The following GULP1 variants were observed in gnomAD, a reference collection of about 807,000 sequenced individuals.
The protein encoded by GULP1 is GULP PTB domain containing engulfment adaptor 1, also known as PTB domain-containing engulfment adapter protein 1.
A neutral mutation model predicts 40.9 loss-of-function variants in GULP1; 19 were observed. That is an observed-to-expected ratio of 0.46 (90% confidence interval 0.32 to 0.68). GULP1 has a LOEUF of 0.68. GULP1 is among the 30% of genes least tolerant of loss of function. GULP1 has a pLI of 0.03. For missense variants in GULP1, 312 were observed against 362.2 expected (o/e 0.86, Z 1.12); for synonymous variants, 119 against 117.6 (o/e 1.01, Z -0.08).
chr2:188,581,828 T>C (rs1446549364), intron 9 of GULP1, among the ~76,000 whole-genome samples: 1 of 152,210 alleles, frequency 6.6e-6, no homozygotes, highest in African/African-American at 2.4e-5. Flanking sequence ...ATGTATTTAT[T>C]GTAATAAGGA....
chr2:188,526,031 C>CTAT (rs1436791673), intron 5 of GULP1, among the ~76,000 whole-genome samples: 1 of 152,116 alleles, frequency 6.6e-6, no homozygotes, highest in African/African-American at 2.4e-5. Context: ...GCCTAACACT[C>CTAT]TATATTCCAT....
At chr2:188,560,205 G>A (rs1695881879) in intron 7 of GULP1, among the ~76,000 whole-genome samples, 1 of 152,024 alleles carries the variant, frequency 6.6e-6, no homozygotes, top group African/African-American at 2.4e-5. Context: ...GCAGCCAGAT[G>A]AAACCTTGAA....
At chr2:188,483,327 C>T (rs947080037) in intron 3 of GULP1, 104 bp from the exon 4 acceptor site, 1 of 498,992 alleles carries the variant, frequency 2.0e-6, no homozygotes, top group South Asian at 4.2e-5. Flanking sequence ...CAAAGAATCT[C>T]AGAATTAGAA....
intron 8 of GULP1, chr2:188,569,755 T>C: frequency 2.8e-6 from 1 of 357,382 alleles, no homozygotes; most frequent in Non-Finnish European, 5.1e-6. Context: ...ATTCCAAGAT[T>C]ATGGGTATAG....
At chr2:188,332,477 C>T (rs2041735399) in intron 1 of GULP1, among the ~76,000 whole-genome samples, 1 of 152,128 alleles carries the variant, frequency 6.6e-6, no homozygotes, top group Admixed American at 6.5e-5. Flanking sequence ...CATGAGCCAT[C>T]GTGCCAAATC....
chr2:188,355,845 A>T (rs1274996216), intron 1 of GULP1, among the ~76,000 whole-genome samples: 1 of 152,138 alleles, frequency 6.6e-6, no homozygotes, highest in African/African-American at 2.4e-5. Flanking sequence ...ATGATTATCA[A>T]GTGGGAATTA....
At chr2:188,559,587 A>AGAGACTAGCCTTGTCTCAGAT (rs1695719110) in intron 7 of GULP1, among the ~76,000 whole-genome samples, 1 of 152,204 alleles carries the variant, frequency 6.6e-6, no homozygotes, top group Non-Finnish European at 1.5e-5. Context: ...CATAGGCAGA[A>AGAGACTAGCCTTGTCTCAGAT]GAGACTAGCC....
chr2:188,594,378 C>G lies in GULP1; in HGVS notation c.*367C>G, dbSNP rs1388786337. On this transcript the variant is annotated 3_prime_UTR_variant, in exon 12 of 12. Coordinates refer to ENST00000409830, the MANE Select transcript of GULP1 (RefSeq NM_016315.4). ...ATTAATGATTTCCCAAAAGCCATACCTTAAAGATAACTTTTTAAATTCTGA... is the reference window on the plus strand; with the variant it reads ...ATTAATGATTTCCCAAAAGCCATACGTTAAAGATAACTTTTTAAATTCTGA... 6.3e-6 allele frequency: 1 copy of G among 159,082 alleles called. No individual in the cohort carries two copies. Among genetic ancestry groups the G allele is most frequent in the African/African-American group, 2.4e-5 (1 of 41,580 alleles). 9.9% of individuals were successfully genotyped at this position (159,082 alleles called of 1,614,324 possible). A position where few individuals can be genotyped will look rare whatever the true frequency, so the allele number is the denominator to read the frequency against.
At chr2:188,421,867 C>T (rs964035085) in intron 2 of GULP1, among the ~76,000 whole-genome samples, 1 of 152,124 alleles carries the variant, frequency 6.6e-6, no homozygotes, top group Non-Finnish European at 1.5e-5. Context: ...TTAGAAATAT[C>T]ATTTGAACTT....
chr2:188,351,226 A>G (rs559181685), intron 1 of GULP1, among the ~76,000 whole-genome samples: 2 of 152,250 alleles, frequency 1.3e-5, no homozygotes, highest in African/African-American at 4.8e-5. Context: ...TTTAATTTTA[A>G]TGAAAATAGA....
At chr2:188,588,847 C>T (rs1449303892) in intron 11 of GULP1, 2 of 152,088 alleles carry the variant, frequency 1.3e-5, no homozygotes, top group Admixed American at 6.6e-5. Flanking sequence ...TGCAATCCTT[C>T]TTAGAAAGTT....
intron 3 of GULP1, among the ~76,000 whole-genome samples, chr2:188,480,693 A>G (rs2061379818): frequency 6.6e-6 from 1 of 151,656 alleles, no homozygotes; most frequent in South Asian, 2.1e-4. Context: ...TCCCAATGTT[A>G]ATTTTCTTTT....
Position 188,400,959 on chromosome 2 carries a change from GTGTGT to G in GULP1, c.-45+17071_-45+17075del, listed in dbSNP as rs2052182080. ...TGTGTGTGTGTGTGTGTGTGTGTGTGTGTGTGTAAGAGAGGGAGAGAGAGGGTAAA... is the reference window on the plus strand; with the variant it reads ...TGTGTGTGTGTGTGTGTGTGTGTGTGGTAAGAGAGGGAGAGAGAGGGTAAA... On this transcript the variant is annotated intron_variant, in intron 2 of 11. Transcript: ENST00000409830. Among the ~76,000 whole-genome samples the G allele has an allele frequency of 4.1e-5, 6 of 145,432 alleles. 1 individual carries two copies. The South Asian group carries it at 1.3e-3, about 32-fold the overall frequency.
intron 2 of GULP1, among the ~76,000 whole-genome samples, chr2:188,451,571 A>G (rs1187160245): frequency 6.6e-6 from 1 of 152,180 alleles, no homozygotes; most frequent in Non-Finnish European, 1.5e-5. Flanking sequence ...ATGTGTTTAC[A>G]TTTTATGGAT....
intron 1 of GULP1, among the ~76,000 whole-genome samples, chr2:188,304,233 A>T (rs72905596): frequency 0.011 from 1,745 of 152,300 alleles, 14 homozygotes; most frequent in Non-Finnish European, 0.02. Flanking sequence ...CAGATAAAGT[A>T]AAAATAGCAC....
intron 3 of GULP1, among the ~76,000 whole-genome samples, chr2:188,482,708 C>T (rs2153058035): frequency 6.6e-6 from 1 of 150,928 alleles, no homozygotes; most frequent in East Asian, 1.9e-4. Context: ...ATATAAATAA[C>T]AAGATATAAA....
chr2:188,313,563 G>C (rs1047975701), intron 1 of GULP1, among the ~76,000 whole-genome samples: 1 of 152,224 alleles, frequency 6.6e-6, no homozygotes, highest in South Asian at 2.1e-4. Context: ...CTTCAGCTGT[G>C]CTCCTTTTGC....
intron 2 of GULP1, among the ~76,000 whole-genome samples, chr2:188,441,278 T>C (rs377006645): frequency 2.9e-4 from 44 of 152,294 alleles, no homozygotes; most frequent in African/African-American, 9.1e-4. Flanking sequence ...GTGGAAACTA[T>C]ATATCTGGCT....
At chr2:188,571,074 C>T (rs1277222804) in intron 9 of GULP1, among the ~76,000 whole-genome samples, 2 of 152,112 alleles carry the variant, frequency 1.3e-5, no homozygotes, top group African/African-American at 4.8e-5. Context: ...AAGAGGATGG[C>T]ATGAGCCCAG....
Sources: gnomAD v4.1 joint callset for allele counts (sites outside exome capture counted in the v4.1 genomes callset) on GRCh38, gnomAD v4.1.1 for gene constraint, MANE v1.5 for transcripts, NCBI Gene and HGNC (gene_info 2026-07-23, HGNC 2026-07-21) for gene names.